The following BTBD7 variants were observed in gnomAD, a reference collection of about 807,000 sequenced individuals.
BTBD7 encodes BTB/POZ domain-containing protein 7.
In BTBD7, 38 loss-of-function variants were observed where a neutral mutation model predicts 99.9. The ratio of observed to expected loss-of-function variants is 0.38; its 90% CI spans 0.29 to 0.50. The LOEUF is 0.50. Among genes scored for constraint, BTBD7 ranks in the 20% least tolerant of loss-of-function variants. The pLI, the probability that BTBD7 is intolerant of heterozygous loss-of-function variation, is 0.93. For missense variants in BTBD7, 1,170 were observed against 1,394.6 expected (o/e 0.84, Z 2.57); for synonymous variants, 520 against 511.4 (o/e 1.02, Z -0.23).
intron 1 of BTBD7, 63 bp downstream of exon 1, chr14:93,332,757 G>GC: frequency 7.0e-7 from 1 of 1,436,040 alleles, no homozygotes; most frequent in Non-Finnish European, 9.1e-7. Flanking sequence ...TCTCCCGGAC[G>GC]CCCCGCGCCA....
At position 93,242,190 on chromosome 14, in the gene BTBD7, G is replaced by C. The variant is rs2052238236; in HGVS notation, c.*83C>G. 3 of 1,277,258 alleles carry C rather than the reference G, an allele frequency of 2.3e-6. No individual in the cohort carries two copies. The highest frequency in any genetic ancestry group is 2.2e-5 in the Admixed American group (1 of 46,346). 79.1% of individuals were successfully genotyped at this position (1,277,258 alleles called of 1,614,324 possible). A position where few individuals can be genotyped will look rare whatever the true frequency, so the allele number is the denominator to read the frequency against. On this transcript the variant is annotated 3_prime_UTR_variant, in exon 11 of 11. Transcript: ENST00000334746. ...TGAAACCGAGTTATCAGCTGGCATT[G>C]ATGAACTGGTCTGTAAGTTGTTGGG...
At chr14:93,331,879 T>TCCCCC (rs71129629) in intron 1 of BTBD7, among the ~76,000 whole-genome samples, 1,387 of 132,106 alleles carry the variant, frequency 0.01, 41 homozygotes, top group African/African-American at 0.017. Context: ...AGACTCCGTC[T>TCCCCC]CCCCCCCCCC....
chr14:93,303,962 G>C (rs1451875773), intron 1 of BTBD7, among the ~76,000 whole-genome samples: 1 of 152,200 alleles, frequency 6.6e-6, no homozygotes, highest in African/African-American at 2.4e-5. Flanking sequence ...CCTTGGCCTG[G>C]ACATCCCCAA....
In BTBD7 at chr14:93,251,447, C is replaced by A; in HGVS notation, c.1942+16G>T. On this transcript the variant is annotated intron_variant, in intron 8 of 10. Transcript: ENST00000334746. ...AATTATTCATTTAAATATAAACACC[C>A]AACATACTGCCTTACCTGGAATTTC... 6.4e-7 allele frequency: 1 copy of A among 1,564,108 alleles called. No homozygotes were observed.
At chr14:93,329,785 G>C (rs1483326066) in intron 1 of BTBD7, among the ~76,000 whole-genome samples, 3 of 152,142 alleles carry the variant, frequency 2.0e-5, no homozygotes. Flanking sequence ...CCAGGGGCTG[G>C]GGGTAAGGGA....
At chr14:93,297,372 G>A (rs867240659) in intron 1 of BTBD7, among the ~76,000 whole-genome samples, 1 of 152,196 alleles carries the variant, frequency 6.6e-6, no homozygotes, top group African/African-American at 2.4e-5. Flanking sequence ...GCCCAGGCTG[G>A]AGTGCAGTGG....
rs2052177969 is a variant in BTBD7 at position 93,237,871 on chromosome 14, CCTTTAGCATTGAAGGCA to C, written c.*4385_*4401del. ...AATCAGTTTAAGAAAAATTTCTGAG[CCTTTAGCATTGAAGGCA>C]CTTGACTTTATACCAGTAACAGCAC... is the stretch of plus-strand genomic sequence containing the variant. On this transcript the variant is annotated 3_prime_UTR_variant, in exon 11 of 11. Transcript: ENST00000334746. The C allele has an allele frequency of 6.6e-6, 1 of 152,570 alleles. No individual in the cohort carries two copies. Among genetic ancestry groups the C allele is most frequent in the African/African-American group, 2.4e-5 (1 of 41,424 alleles). 9.5% of individuals were successfully genotyped at this position (152,570 alleles called of 1,614,324 possible). A position where few individuals can be genotyped will look rare whatever the true frequency, so the allele number is the denominator to read the frequency against.
chr14:93,293,644 A>G (rs2052884768), intron 3 of BTBD7, among the ~76,000 whole-genome samples: 1 of 152,182 alleles, frequency 6.6e-6, no homozygotes, highest in South Asian at 2.1e-4. Flanking sequence ...AATGCTCTGA[A>G]GTCATTAGTA....
intron 6 of BTBD7, chr14:93,256,238 C>T (rs1380814352): frequency 2.6e-5 from 4 of 151,814 alleles, no homozygotes; most frequent in East Asian, 1.9e-4. Flanking sequence ...TGTGATAGTT[C>T]GTTTATTATT....
intron 6 of BTBD7, among the ~76,000 whole-genome samples, chr14:93,254,737 G>A (rs2052410682): frequency 6.6e-6 from 1 of 152,186 alleles, no homozygotes; most frequent in Admixed American, 6.5e-5. Flanking sequence ...AGTTCCTAAG[G>A]TGGTGTGAGG....
At chr14:93,280,806 A>C (rs566476881) in intron 3 of BTBD7, among the ~76,000 whole-genome samples, 2 of 152,016 alleles carry the variant, frequency 1.3e-5, no homozygotes, top group South Asian at 4.2e-4. Context: ...TATACTCTGA[A>C]CTAAGATTCG....
chr14:93,251,379 T>C, intron 8 of BTBD7, 84 bp downstream of exon 8: 2 of 1,376,738 alleles, frequency 1.5e-6, no homozygotes, highest in East Asian at 2.4e-5. Flanking sequence ...AGAATTAGCA[T>C]ATACAGAGAG....
chr14:93,253,542 G>T, intron 7 of BTBD7, 105 bp downstream of exon 7: 2 of 1,057,686 alleles, frequency 1.9e-6, no homozygotes, highest in South Asian at 3.1e-5. Flanking sequence ...CCCTATTGTT[G>T]AAAATATAGG....
chr14:93,288,486 T>C, intron 3 of BTBD7: 1 of 741,756 alleles, frequency 1.3e-6, no homozygotes, highest in Non-Finnish European at 2.5e-6. Context: ...AAAAAGTTCT[T>C]TTATATAAGG....
chr14:93,253,800 A>T lies in BTBD7; in HGVS notation c.1609-10T>A. 6.4e-7 allele frequency: 1 copy of T among 1,554,272 alleles called. No individual in the cohort carries two copies. Among genetic ancestry groups the T allele is most frequent in the Non-Finnish European group, 8.7e-7 (1 of 1,147,552 alleles). On this transcript the variant is annotated splice_polypyrimidine_tract_variant and intron_variant, in intron 6 of 10. Transcript: ENST00000334746. ...TCAAGCCTCTTTTCATCTAAAAAAA[A>T]ATTTTTTTTTTAGATAGAAATCTGT...
rs780536598 is a variant in BTBD7, at chr14:93,246,012, T to C, written c.2396A>G (p.His799Arg). ...AGCTGTTCTGGAGTGGAACAGCGAA[T>C]GATTACAGGGATAAGAAAATGAACG... is the stretch of plus-strand genomic sequence containing the variant. ...PSRSFSYPCNHSLFHSRTAPK... is the reference protein window; with the variant it reads ...PSRSFSYPCNRSLFHSRTAPK... The change falls in exon 10 of 11, where the codon CAT (histidine) becomes CGT (arginine). Residue 799 changes from histidine (H) to arginine (R), a missense_variant. Physicochemically the swap from His to Arg is conservative, Grantham distance 29. Transcript: ENST00000334746. 1.2e-6 allele frequency: 2 copies of C among 1,613,832 alleles called. No individual in the cohort carries two copies. The highest frequency in any genetic ancestry group is 2.2e-5 in the East Asian group (1 of 44,858).
chr14:93,317,615 A>G (rs2053222575), intron 1 of BTBD7, among the ~76,000 whole-genome samples: 1 of 152,198 alleles, frequency 6.6e-6, no homozygotes, highest in Non-Finnish European at 1.5e-5. Flanking sequence ...AGAAACAGCA[A>G]AAGGTACTAT....
At chr14:93,316,660 G>C (rs1754621587) in intron 1 of BTBD7, among the ~76,000 whole-genome samples, 3 of 152,186 alleles carry the variant, frequency 2.0e-5, no homozygotes, top group Non-Finnish European at 4.4e-5. Context: ...GCCTAGAACT[G>C]TGTCTGGCAA....
At chr14:93,332,236 A>C (rs182598458) in intron 1 of BTBD7, 1 of 152,146 alleles carries the variant, frequency 6.6e-6, no homozygotes, top group Admixed American at 6.5e-5. Context: ...TTTATCAAAC[A>C]CTCGGTATTG....
Sources: gnomAD v4.1 joint callset for allele counts (sites outside exome capture counted in the v4.1 genomes callset) on GRCh38, gnomAD v4.1.1 for gene constraint, MANE v1.5 for transcripts, NCBI Gene and HGNC (gene_info 2026-07-23, HGNC 2026-07-21) for gene names.